The following PDE4D variants were observed in gnomAD, a reference collection of about 807,000 sequenced individuals.
The protein encoded by PDE4D is phosphodiesterase 4D, also known as 3',5'-cyclic-AMP phosphodiesterase 4D.
PDE4D carries 24 observed loss-of-function variants against 87.4 expected under a neutral mutation model. That is an observed-to-expected ratio of 0.27 (90% CI 0.20 to 0.39). The LOEUF (loss-of-function observed/expected upper bound fraction) is 0.39, where lower values mean the gene tolerates loss of function less well. PDE4D is among the 10% of genes least tolerant of loss of function. The probability of loss-of-function intolerance (pLI) is 1.00; values close to 1 mark genes in which losing one functional copy is unlikely to be tolerated. For missense variants in PDE4D, 714 were observed against 1,041.0 expected (o/e 0.69, Z 4.32); for synonymous variants, 384 against 383.2 (o/e 1.00, Z -0.02).
chr5:59,515,312 T>C (rs976953068), intron 1 of PDE4D, among the ~76,000 whole-genome samples: 1 of 152,194 alleles, frequency 6.6e-6, no homozygotes, highest in African/African-American at 2.4e-5. Flanking sequence ...GTGTCCTCAC[T>C]GTCACCTGGG....
chr5:58,994,934 C>A (rs1350152029), intron 6 of PDE4D, among the ~76,000 whole-genome samples: 3 of 117,542 alleles, frequency 2.6e-5, no homozygotes, highest in Non-Finnish European at 4.9e-5. Context: ...CCACAACAAG[C>A]CCCAATGTGT....
At chr5:59,579,707 C>T (rs564926265) in intron 1 of PDE4D, among the ~76,000 whole-genome samples, 1 of 152,300 alleles carries the variant, frequency 6.6e-6, no homozygotes. Context: ...ATCTATGCTC[C>T]ACACACCAAG....
chr5:60,010,124 A>C (rs1764884580), intron 2 of PDE4D, among the ~76,000 whole-genome samples: 1 of 152,126 alleles, frequency 6.6e-6, no homozygotes, highest in African/African-American at 2.4e-5. Context: ...ATAAGTGGGG[A>C]GAATTCACTT....
rs746187639 is a variant in PDE4D at position 59,893,586 on chromosome 5, C to G, written c.37G>C (p.Gly13Arg). The G allele has an allele frequency of 1.3e-6, 2 of 1,522,952 alleles. No homozygotes were observed. Among genetic ancestry groups the G allele is most frequent in the South Asian group, 2.5e-5 (2 of 81,396 alleles). 94.3% of individuals were successfully genotyped at this position (1,522,952 alleles called of 1,614,324 possible). Residue 13 changes from glycine (G) to arginine (R), a missense_variant, in exon 1 of 15, where the codon GGC (glycine) becomes CGC (arginine). Physicochemically the swap from Gly to Arg is moderately radical, Grantham distance 125. Transcript: ENST00000340635. The stretch of plus-strand genomic sequence containing the variant: ...GCGCTGTCGCTGCCCTCTCCGCTGC[C>G]CGCCCGGGCCGGCGCGCTGCTGCCC... ...AEGSSAPARA[G>R]SGEGSDSAGG... is the part of the protein sequence containing the mutation.
At chr5:59,645,504 T>G (rs2150212007) in intron 1 of PDE4D, among the ~76,000 whole-genome samples, 1 of 152,298 alleles carries the variant, frequency 6.6e-6, no homozygotes, top group East Asian at 1.9e-4. Context: ...AAAGATTCAT[T>G]TAGTTTCAGT....
intron 1 of PDE4D, among the ~76,000 whole-genome samples, chr5:60,429,077 T>C (rs1472882039): frequency 6.6e-6 from 1 of 152,254 alleles, no homozygotes. Context: ...CAAATTTGTA[T>C]GATAAATGTT....
chr5:59,431,573 A>G (rs1457700514), intron 1 of PDE4D, among the ~76,000 whole-genome samples: 1 of 152,138 alleles, frequency 6.6e-6, no homozygotes, highest in Non-Finnish European at 1.5e-5. Context: ...TTTAAACAGC[A>G]GACACTGTTA....
intron 2 of PDE4D, among the ~76,000 whole-genome samples, chr5:59,992,475 A>G (rs1162477246): frequency 6.6e-6 from 1 of 152,216 alleles, no homozygotes; most frequent in Admixed American, 6.5e-5. Context: ...CCTGACTAAT[A>G]CATGTGTAAA....
At chr5:59,804,762 G>A (rs1767553901) in intron 1 of PDE4D, among the ~76,000 whole-genome samples, 1 of 151,848 alleles carries the variant, frequency 6.6e-6, no homozygotes, top group Non-Finnish European at 1.5e-5. Flanking sequence ...GATTATTCTG[G>A]GTGTGCCAAT....
rs764977745 is a variant in PDE4D, at chr5:59,129,199, G to C, written c.808+51396C>G. On this transcript the variant is annotated intron_variant, in intron 5 of 14. Transcript: ENST00000340635. Reference sequence around the variant, plus strand: ...TTGTTTTCAGTGAGTTTCACAACTAGTGTAAAGGTTATTAAGTAGAATGGA... The same window carrying C: ...TTGTTTTCAGTGAGTTTCACAACTACTGTAAAGGTTATTAAGTAGAATGGA... Among the ~76,000 whole-genome samples, 8 of 152,292 alleles carry C rather than the reference G, an allele frequency of 5.3e-5. No individual in the cohort carries two copies. The East Asian group carries it at 1.5e-3, about 29-fold the overall frequency.
intron 1 of PDE4D, among the ~76,000 whole-genome samples, chr5:60,226,425 A>G (rs1029362910): frequency 6.6e-6 from 1 of 152,116 alleles, no homozygotes; most frequent in Non-Finnish European, 1.5e-5. Context: ...TGCCCCAGAG[A>G]ACCAAAGAAA....
At chr5:59,958,807 A>G (rs560345336) in intron 3 of PDE4D, among the ~76,000 whole-genome samples, 1 of 152,254 alleles carries the variant, frequency 6.6e-6, no homozygotes, top group East Asian at 1.9e-4. Flanking sequence ...CATTCCTACC[A>G]TTCCTATTCA....
intron 1 of PDE4D, among the ~76,000 whole-genome samples, chr5:60,329,927 G>A (rs1338592631): frequency 6.6e-6 from 1 of 152,232 alleles, no homozygotes; most frequent in Non-Finnish European, 1.5e-5. Flanking sequence ...TTAATGGTGA[G>A]AAACAACCTG....
At chr5:59,416,363 A>G (rs1216931164) in intron 1 of PDE4D, among the ~76,000 whole-genome samples, 1 of 152,150 alleles carries the variant, frequency 6.6e-6, no homozygotes, top group Non-Finnish European at 1.5e-5. Flanking sequence ...ACCAGGGGCT[A>G]TTCAGGATCT....
In PDE4D at chr5:59,515,830, C is replaced by A. The variant is rs1049669392; in HGVS notation, c.456-299862G>T. 3.9e-5 allele frequency among the ~76,000 whole-genome samples: 6 copies of A among 152,124 alleles called. No homozygotes were observed. In the East Asian group the frequency reaches 1.2e-3, roughly 29 times the overall value. On this transcript the variant is annotated intron_variant, in intron 1 of 14. Transcript: ENST00000340635. Reference sequence around the variant, plus strand: ...CACAATTATAGCTAGAAAGGTAAAGCAGACCAACTGTACTGATGCGTGTCA... The same window carrying A: ...CACAATTATAGCTAGAAAGGTAAAGAAGACCAACTGTACTGATGCGTGTCA...
intron 3 of PDE4D, among the ~76,000 whole-genome samples, chr5:59,903,251 T>A (rs1275270814): frequency 6.6e-6 from 1 of 151,944 alleles, no homozygotes; most frequent in Non-Finnish European, 1.5e-5. Context: ...GAATTAGTAA[T>A]AACTAACAAG....
At chr5:59,898,146 C>A (rs73761040), upstream of PDE4D, among the ~76,000 whole-genome samples, 790 of 152,248 alleles carry the variant, frequency 5.2e-3, 3 homozygotes, top group African/African-American at 0.018. Flanking sequence ...ATATCCTTGT[C>A]TTTGACTAGC....
chr5:59,695,987 G>A (rs1043475544), intron 1 of PDE4D, among the ~76,000 whole-genome samples: 3 of 152,076 alleles, frequency 2.0e-5, no homozygotes, highest in African/African-American at 7.2e-5. Context: ...GAAATATTAT[G>A]TTTTGAATCA....
chr5:59,699,751 T>A (rs1225333260), intron 1 of PDE4D, among the ~76,000 whole-genome samples: 3 of 152,182 alleles, frequency 2.0e-5, no homozygotes, highest in Admixed American at 6.5e-5. Flanking sequence ...ACCAATAATA[T>A]AAAATAGGGA....
Sources: allele counts gnomAD v4.1 joint callset (sites outside exome capture counted in the v4.1 genomes callset), GRCh38; gene constraint gnomAD v4.1.1; transcripts MANE v1.5; gene names NCBI Gene and HGNC (gene_info 2026-07-23, HGNC 2026-07-21).